The following CSMD3 variants were observed in gnomAD, a reference collection of about 807,000 sequenced individuals.
The protein encoded by CSMD3 is CUB and sushi domain-containing protein 3.
CSMD3 carries 177 observed loss-of-function variants against 435.2 expected under a neutral mutation model. The observed-to-expected ratio is 0.41, with a 90% CI of 0.36 to 0.46. The LOEUF (loss-of-function observed/expected upper bound fraction) is 0.46. Ranked by LOEUF, CSMD3 falls within the 20% of genes least tolerant of loss-of-function variation. CSMD3 has a pLI of 0.34. For missense variants in CSMD3, 4,265 were observed against 4,504.6 expected, an observed-to-expected ratio of 0.95 and a Z score of 1.52; for synonymous variants, 1,656 against 1,520.5, an observed-to-expected ratio of 1.09 and a Z score of -2.07.
intron 1 of CSMD3, among the ~76,000 whole-genome samples, chr8:113,360,699 G>A (rs1027579502): frequency 1.3e-4 from 19 of 149,070 alleles, no homozygotes; most frequent in African/African-American, 4.0e-4. Flanking sequence ...TCAGCCTCCC[G>A]AGTAGCTGGG....
chr8:112,268,732 G>A, intron 59 of CSMD3, among the ~76,000 whole-genome samples: 1 of 152,132 alleles, frequency 6.6e-6, no homozygotes, highest in East Asian at 1.9e-4. Context: ...ACATATGTAT[G>A]TGCTCTGCCA....
chr8:113,143,493 A>G (rs1422009837), intron 4 of CSMD3, among the ~76,000 whole-genome samples: 1 of 151,350 alleles, frequency 6.6e-6, no homozygotes, highest in Non-Finnish European at 1.5e-5. Flanking sequence ...GGACACGAAA[A>G]TTTATGTTCA....
intron 10 of CSMD3, among the ~76,000 whole-genome samples, chr8:112,906,031 A>T (rs2130488197): frequency 6.6e-6 from 1 of 151,550 alleles, no homozygotes; most frequent in African/African-American, 2.4e-5. Flanking sequence ...TGAATATATA[A>T]AAAGAAGTCA....
At chr8:113,039,246 T>C (rs2087494660) in intron 5 of CSMD3, among the ~76,000 whole-genome samples, 1 of 151,054 alleles carries the variant, frequency 6.6e-6, no homozygotes, top group Non-Finnish European at 1.5e-5. Flanking sequence ...AAAGATAAAA[T>C]ATGTTTATAC....
At chr8:112,410,610 ATATATGTATATATATGTG>A (rs1478408811) in intron 32 of CSMD3, among the ~76,000 whole-genome samples, 32 of 37,452 alleles carry the variant, frequency 8.5e-4, no homozygotes, top group African/African-American at 3.2e-3. Flanking sequence ...ATGTGTATAT[ATATATGTATATATATGTG>A]TATATATATG....
At chr8:113,197,112 C>G (rs2092665929) in intron 3 of CSMD3, among the ~76,000 whole-genome samples, 1 of 151,188 alleles carries the variant, frequency 6.6e-6, no homozygotes, top group Non-Finnish European at 1.5e-5. Flanking sequence ...ACCTCATATA[C>G]AGGCTGAGCA....
chr8:112,515,353 C>G (rs1465241031), intron 28 of CSMD3, among the ~76,000 whole-genome samples: 2 of 151,998 alleles, frequency 1.3e-5, no homozygotes, highest in Non-Finnish European at 2.9e-5. Context: ...ATATGCTCTT[C>G]ATGAGATATG....
chr8:112,570,461 T>G (rs1277957479), intron 24 of CSMD3, among the ~76,000 whole-genome samples: 1 of 152,174 alleles, frequency 6.6e-6, no homozygotes, highest in African/African-American at 2.4e-5. Context: ...GGATAAGCAT[T>G]CATGAATAAA....
intron 28 of CSMD3, among the ~76,000 whole-genome samples, chr8:112,510,435 T>G (rs925126551): frequency 6.6e-6 from 1 of 152,198 alleles, no homozygotes; most frequent in South Asian, 2.1e-4. Flanking sequence ...ATGACTTTAC[T>G]CATTTTGTTT....
rs762206445 is a variant in CSMD3, at chr8:112,492,505, G to A, written c.5262C>T (p.Ala1754=). 2.5e-5 allele frequency: 41 copies of A among 1,613,756 alleles called. No homozygotes were observed. Among genetic ancestry groups the A allele is most frequent in the Non-Finnish European group, 3.4e-5 (40 of 1,179,736 alleles). The change falls in exon 31 of 71, where the codon GCC becomes GCT. Residue 1754 remains alanine, a synonymous_variant. Transcript: ENST00000297405. ...GTTCCTTACCATGACAACTTGGCAAGGCTCTATTCCATCCAGGTCTTCCAT... is the reference window on the plus strand; with the variant it reads ...GTTCCTTACCATGACAACTTGGCAAAGCTCTATTCCATCCAGGTCTTCCAT... ...GDDGRPGWNR[A]LPSCHAPCGS... is the part of the protein sequence containing the mutation.
At chr8:113,018,130 C>T (rs2086540555) in intron 6 of CSMD3, among the ~76,000 whole-genome samples, 1 of 151,984 alleles carries the variant, frequency 6.6e-6, no homozygotes, top group African/African-American at 2.4e-5. Flanking sequence ...TTACGAAAGT[C>T]AAATTACAAA....
chr8:113,038,714 C>G (rs558763704), intron 5 of CSMD3, among the ~76,000 whole-genome samples: 19 of 152,198 alleles, frequency 1.2e-4, no homozygotes, highest in African/African-American at 4.6e-4. Flanking sequence ...GAATTCCTTA[C>G]TGGGAGCCCT....
intron 27 of CSMD3, among the ~76,000 whole-genome samples, chr8:112,529,563 G>GT (rs1297272220): frequency 6.6e-6 from 1 of 152,070 alleles, no homozygotes; most frequent in African/African-American, 2.4e-5. Context: ...ACTCCAGCCT[G>GT]GATGACAGAG....
chr8:113,227,930 T>A (rs1313043744), intron 3 of CSMD3, among the ~76,000 whole-genome samples: 2 of 151,572 alleles, frequency 1.3e-5, no homozygotes, highest in Non-Finnish European at 3.0e-5. Context: ...CTCTCCAAAA[T>A]TTGTCTATCA....
chr8:112,802,459 G>A (rs1477710008), intron 12 of CSMD3, among the ~76,000 whole-genome samples: 1 of 151,896 alleles, frequency 6.6e-6, no homozygotes, highest in African/African-American at 2.4e-5. Flanking sequence ...TTGTTTTGAT[G>A]AAGGCAATTA....
At chr8:112,570,417 T>C (rs1829410501) in intron 24 of CSMD3, among the ~76,000 whole-genome samples, 1 of 152,296 alleles carries the variant, frequency 6.6e-6, no homozygotes, top group East Asian at 1.9e-4. Context: ...AAAAGAAACA[T>C]TGAAACGTCT....
intron 27 of CSMD3, among the ~76,000 whole-genome samples, chr8:112,545,465 A>C (rs1827074022): frequency 1.5e-5 from 2 of 133,660 alleles, no homozygotes; most frequent in Non-Finnish European, 3.1e-5. Context: ...CCTGGGCGAC[A>C]GAGCGAGACT....
chr8:113,201,277 G>A (rs563966083), intron 3 of CSMD3, among the ~76,000 whole-genome samples: 1 of 152,090 alleles, frequency 6.6e-6, no homozygotes, highest in African/African-American at 2.4e-5. Context: ...TTCATTGAGA[G>A]TGTGGTTCCC....
At chr8:112,956,547 T>A (rs2084026821) in intron 7 of CSMD3, among the ~76,000 whole-genome samples, 1 of 152,096 alleles carries the variant, frequency 6.6e-6, no homozygotes, top group Non-Finnish European at 1.5e-5. Flanking sequence ...TAAAAATAGG[T>A]CTGAAGATTT....
Sources: gnomAD v4.1 joint callset for allele counts (sites outside exome capture counted in the v4.1 genomes callset) on GRCh38, gnomAD v4.1.1 for gene constraint, MANE v1.5 for transcripts, NCBI Gene and HGNC (gene_info 2026-07-23, HGNC 2026-07-21) for gene names.